The following ZDHHC11 variants were observed in gnomAD, a reference collection of about 807,000 sequenced individuals.
The protein encoded by ZDHHC11 is palmitoyltransferase ZDHHC11.
Under a neutral mutation model 51.3 loss-of-function variants are expected in ZDHHC11, and 44 were observed. The observed-to-expected ratio is 0.86, with a 90% CI of 0.67 to 1.10. The LOEUF is 1.10. Ranked by LOEUF, ZDHHC11 falls within the 50% of genes least tolerant of loss-of-function variation. ZDHHC11 has a pLI of 0.00. For synonymous variants in ZDHHC11, 163 were observed against 222.0 expected (o/e 0.73, Z 2.36); for missense variants, 400 against 537.7 (o/e 0.74, Z 2.53).
At chr5:859,421 G>A (rs1748672500), upstream of ZDHHC11, among the ~76,000 whole-genome samples, 1 of 152,008 alleles carries the variant, frequency 6.6e-6, no homozygotes, top group Admixed American at 6.6e-5. Context: ...AACGCGTTGT[G>A]GTCCGCAACA....
At position 829,938 on chromosome 5, in the gene ZDHHC11, C is replaced by G. The variant is rs138755727; in HGVS notation, c.935+3835G>C. Among the ~76,000 whole-genome samples, 254 of 151,264 alleles carry G rather than the reference C, an allele frequency of 1.7e-3. No individual in the cohort carries two copies. The East Asian group carries it at 0.045, about 27-fold the overall frequency. ...AAAAGCATCTGACAAACTCTGCCAT[C>G]CCTTTATAAATAGAACACTCATCAA... On this transcript the variant is annotated intron_variant, in intron 7 of 12. Transcript: ENST00000283441.
chr5:844,487 C>T lies in ZDHHC11; in HGVS notation c.504-763G>A, dbSNP rs1320604066. Among the ~76,000 whole-genome samples, 19 of 152,402 alleles carry T rather than the reference C, an allele frequency of 1.2e-4. No individual in the cohort carries two copies. The East Asian group carries it at 2.7e-3, about 22-fold the overall frequency. The stretch of plus-strand genomic sequence containing the variant: ...CCTCTGCCCGCACCTCCCGACTCCA[C>T]CTGATGCAGACAGGCCTCCCTACCA... On this transcript the variant is annotated intron_variant, in intron 3 of 12. Transcript: ENST00000283441.
intron 12 of ZDHHC11, among the ~76,000 whole-genome samples, chr5:800,428 G>C (rs1286537919): frequency 6.6e-6 from 1 of 150,682 alleles, no homozygotes; most frequent in East Asian, 1.9e-4. Context: ...AAGGGTTGCA[G>C]TCTCATTTTA....
intron 11 of ZDHHC11, among the ~76,000 whole-genome samples, chr5:812,887 T>G (rs1426764564): frequency 6.7e-6 from 1 of 150,090 alleles, no homozygotes; most frequent in Non-Finnish European, 1.5e-5. Context: ...ACGTCATGAG[T>G]GTAATCTATG....
Position 800,621 on chromosome 5 carries a change from CCT to C in ZDHHC11, c.*7+477_*7+478del, listed in dbSNP as rs1392603387. 4.6e-5 allele frequency among the ~76,000 whole-genome samples: 7 copies of C among 151,382 alleles called. 1 individual carries two copies. The highest frequency in any genetic ancestry group is 7.4e-5 in the Non-Finnish European group (5 of 67,750). Reference sequence around the variant, plus strand: ...AGCCTTCTAGTGAGTAAACTTTCCCCCTGATTCTGGAAGTAAATGATCATTTG... The same window carrying C: ...AGCCTTCTAGTGAGTAAACTTTCCCCGATTCTGGAAGTAAATGATCATTTG... On this transcript the variant is annotated intron_variant, in intron 12 of 12. Coordinates refer to ENST00000283441, the MANE Select transcript of ZDHHC11 (RefSeq NM_024786.3).
At position 808,984 on chromosome 5, in the gene ZDHHC11, TACACACACACAC is replaced by T. The variant is rs56961185; in HGVS notation, c.1181+5765_1181+5776del. On this transcript the variant is annotated intron_variant, in intron 11 of 12. Coordinates refer to ENST00000283441, the MANE Select transcript of ZDHHC11 (RefSeq NM_024786.3). ...CATGCTCCATCTTTTGACCATCAGT[TACACACACACAC>T]ACACACACACACACACACGCACACT... 7.4e-4 allele frequency among the ~76,000 whole-genome samples: 99 copies of T among 133,766 alleles called. 1 individual carries two copies. The highest frequency in any genetic ancestry group is 3.4e-3 in the South Asian group (14 of 4,118). 87.8% of individuals were successfully genotyped at this position (133,766 alleles called of 152,430 possible). A position where few individuals can be genotyped will look rare whatever the true frequency, so the allele number is the denominator to read the frequency against.
rs142340817 is a variant in ZDHHC11, at chr5:828,513, C to A, written c.936-3262G>T. ...TGCCAAATTTATAAAACAATTCTTA[C>A]TGGACATAAGAAATGAGACTGATGA... On this transcript the variant is annotated intron_variant, in intron 7 of 12. Transcript: ENST00000283441. 8.6e-3 allele frequency among the ~76,000 whole-genome samples: 1,305 copies of A among 151,378 alleles called. 22 individuals carry two copies. Among genetic ancestry groups the A allele is most frequent in the African/African-American group, 0.029 (1,204 of 41,034 alleles).
intron 1 of ZDHHC11, chr5:849,883 C>T (rs1746876691): frequency 6.3e-6 from 1 of 159,002 alleles, no homozygotes; most frequent in South Asian, 1.9e-4. Context: ...AGTCACCCTG[C>T]CTGGCCCCTG....
At position 850,887 on chromosome 5, in the gene ZDHHC11, A is replaced by G. The variant is rs3747734; in HGVS notation, c.-285T>C. The G allele has an allele frequency of 0.11, 58,758 of 544,288 alleles. 4,531 individuals are homozygous for G. Among genetic ancestry groups the G allele is most frequent in the African/African-American group, 0.25 (13,279 of 52,800 alleles). 33.7% of individuals were successfully genotyped at this position (544,288 alleles called of 1,614,324 possible). ...CGGCTCTCCAGGGTGTGGAGGACCC[A>G]GTGCCCGCGCGACCGCCCATCAGTT... On this transcript the variant is annotated 5_prime_UTR_variant, in exon 1 of 13. Coordinates refer to ENST00000283441, the MANE Select transcript of ZDHHC11 (RefSeq NM_024786.3).
At position 802,945 on chromosome 5, in the gene ZDHHC11, T is replaced by A. The variant is rs1444060713; in HGVS notation, c.1182-1781A>T. 7.5e-5 allele frequency among the ~76,000 whole-genome samples: 10 copies of A among 132,454 alleles called. 1 individual carries two copies. Among genetic ancestry groups the A allele is most frequent in the Non-Finnish European group, 1.6e-4 (10 of 63,104 alleles). The allele number at this position is 132,454 out of a possible 152,430, so 86.9% of individuals were successfully genotyped here. A position where few individuals can be genotyped will look rare whatever the true frequency, so the allele number is the denominator to read the frequency against. On this transcript the variant is annotated intron_variant, in intron 11 of 12. Transcript: ENST00000283441. ...CTGAGGCAGGAGAATGGTGTGAACCTGGGAGGTGGAGCTTGCAGTGAGCAG... is the reference window on the plus strand; with the variant it reads ...CTGAGGCAGGAGAATGGTGTGAACCAGGGAGGTGGAGCTTGCAGTGAGCAG...
chr5:823,376 C>T (rs1453809689), intron 8 of ZDHHC11: 5 of 151,182 alleles, frequency 3.3e-5, no homozygotes, highest in Admixed American at 1.3e-4. Context: ...TCCATGTCTC[C>T]CCATTGCCTC....
chr5:807,278 A>C lies in ZDHHC11; in HGVS notation c.1182-6114T>G, dbSNP rs566301425. Among the ~76,000 whole-genome samples, 5 of 151,080 alleles carry C rather than the reference A, an allele frequency of 3.3e-5. No homozygotes were observed. The East Asian group carries it at 7.7e-4, about 23-fold the overall frequency. ...TAAAAAAAAAAATGAAAAAGTATCC[A>C]ATGTATTGCACGTATGTATGTACTC... On this transcript the variant is annotated intron_variant, in intron 11 of 12. Transcript: ENST00000283441.
At chr5:834,142 A>C (rs1156941467) in intron 6 of ZDHHC11, among the ~76,000 whole-genome samples, 1 of 152,296 alleles carries the variant, frequency 6.6e-6, no homozygotes, top group Non-Finnish European at 1.5e-5. Context: ...CAACTTCACC[A>C]ACCCTCGGTG....
chr5:837,809 C>G (rs1282659622), intron 5 of ZDHHC11, among the ~76,000 whole-genome samples: 1 of 151,926 alleles, frequency 6.6e-6, no homozygotes, highest in African/African-American at 2.4e-5. Flanking sequence ...GACCTGGGTC[C>G]CCTATACCAT....
intron 8 of ZDHHC11, among the ~76,000 whole-genome samples, chr5:823,153 T>A (rs1741779831): frequency 6.6e-6 from 1 of 151,308 alleles, no homozygotes; most frequent in Non-Finnish European, 1.5e-5. Flanking sequence ...GTATCCGTTT[T>A]GTGAAATAGT....
At chr5:808,295 T>G (rs1304489706) in intron 11 of ZDHHC11, among the ~76,000 whole-genome samples, 14 of 152,168 alleles carry the variant, frequency 9.2e-5, no homozygotes, top group Admixed American at 6.5e-5. Context: ...CTTTGCTGGC[T>G]GTATGACTGC....
At chr5:853,174 C>G (rs1339764351), upstream of ZDHHC11, among the ~76,000 whole-genome samples, 1 of 145,640 alleles carries the variant, frequency 6.9e-6, no homozygotes, top group Admixed American at 6.8e-5. Flanking sequence ...ACAGACCCCA[C>G]AGAGGACAGC....
intron 9 of ZDHHC11, among the ~76,000 whole-genome samples, chr5:819,820 C>T (rs538500987): frequency 3.6e-4 from 55 of 151,294 alleles, no homozygotes; most frequent in African/African-American, 1.1e-3. Flanking sequence ...GTGTAAAGGA[C>T]CAGGACTCCT....
At chr5:803,575 T>A (rs1176577494) in intron 11 of ZDHHC11, among the ~76,000 whole-genome samples, 2 of 151,072 alleles carry the variant, frequency 1.3e-5, no homozygotes, top group African/African-American at 2.4e-5. Context: ...GTCCAGTTTT[T>A]AACAAAAAAT....
Sources: gnomAD v4.1 joint callset for allele counts (sites outside exome capture counted in the v4.1 genomes callset) on GRCh38, gnomAD v4.1.1 for gene constraint, MANE v1.5 for transcripts, NCBI Gene and HGNC (gene_info 2026-07-23, HGNC 2026-07-21) for gene names.